HAS2: variants seen among roughly 807,000 people sequenced by gnomAD.
HAS2 encodes the protein HA synthase 2.
HAS2 carries 16 observed loss-of-function variants against 51.6 expected under a neutral mutation model. The ratio of observed to expected loss-of-function variants is 0.31; its 90% CI spans 0.21 to 0.47. HAS2 has a LOEUF of 0.47. Ranked by LOEUF, HAS2 falls within the 20% of genes least tolerant of loss-of-function variation. HAS2 has a pLI of 1.00. For missense variants in HAS2, 361 were observed against 662.6 expected, an observed-to-expected ratio of 0.54 and a Z score of 5.00; for synonymous variants, 228 against 235.5, an observed-to-expected ratio of 0.97 and a Z score of 0.29.
At chr8:121,640,431 G>A in intron 1 of HAS2, among the ~76,000 whole-genome samples, 1 of 151,790 alleles carries the variant, frequency 6.6e-6, no homozygotes, top group Admixed American at 6.6e-5. Context: ...GTGTGTGTGT[G>A]TGTGTGTGTG....
Position 121,612,711 on chromosome 8 carries a change from A to T in HAS2, c.*1398T>A, listed in dbSNP as rs755215765. 6.6e-6 allele frequency: 1 copy of T among 152,312 alleles called. No individual in the cohort carries two copies. The highest frequency in any genetic ancestry group is 1.9e-4 in the East Asian group (1 of 5,184). The allele number at this position is 152,312 out of a possible 1,614,324, so 9.4% of individuals were successfully genotyped here. A position where few individuals can be genotyped will look rare whatever the true frequency, so the allele number is the denominator to read the frequency against. ...ATTTTTATATGTGCCAATCATTGAT[A>T]TACTTATTAAACCTTGATGTCACTT... On this transcript the variant is annotated 3_prime_UTR_variant, in exon 4 of 4. Coordinates refer to ENST00000303924, the MANE Select transcript of HAS2 (RefSeq NM_005328.3).
intron 1 of HAS2, among the ~76,000 whole-genome samples, chr8:121,640,596 A>G (rs1563625846): frequency 6.6e-6 from 1 of 152,130 alleles, no homozygotes; most frequent in Admixed American, 6.6e-5. Flanking sequence ...TTTCCCAGGC[A>G]GAGAGGCTAC....
intron 2 of HAS2, among the ~76,000 whole-genome samples, chr8:121,619,099 G>T (rs1199167525): frequency 6.6e-6 from 1 of 152,048 alleles, no homozygotes; most frequent in Non-Finnish European, 1.5e-5. Context: ...TCTAGGCTGG[G>T]TGCAGTGGCT....
chr8:121,616,687 C>T (rs1245139330), intron 3 of HAS2, among the ~76,000 whole-genome samples: 2 of 152,086 alleles, frequency 1.3e-5, no homozygotes, highest in African/African-American at 2.4e-5. Flanking sequence ...CCACCTGCCT[C>T]GGCCTCCCAA....
chr8:121,627,385 GA>G (rs1200090719), intron 2 of HAS2, among the ~76,000 whole-genome samples: 1 of 152,110 alleles, frequency 6.6e-6, no homozygotes, highest in East Asian at 1.9e-4. Flanking sequence ...ACTTGACAGA[GA>G]AATGCTCCCA....
chr8:121,616,688 G>A (rs531564468), intron 3 of HAS2, among the ~76,000 whole-genome samples: 120 of 152,008 alleles, frequency 7.9e-4, no homozygotes, highest in African/African-American at 2.6e-3. Flanking sequence ...CACCTGCCTC[G>A]GCCTCCCAAA....
intron 1 of HAS2, among the ~76,000 whole-genome samples, chr8:121,640,420 A>AGTGTGTGTTT (rs1813077223): frequency 6.7e-6 from 1 of 148,326 alleles, no homozygotes; most frequent in Admixed American, 6.7e-5. Flanking sequence ...TTCTCCCCAC[A>AGTGTGTGTTT]GTGTGTGTGT....
At position 121,627,687 on chromosome 8, in the gene HAS2, G is replaced by C. The variant is rs888324736; in HGVS notation, c.627+1027C>G. On this transcript the variant is annotated intron_variant, in intron 2 of 3. Transcript: ENST00000303924. ...TAGTAATCTCTATGATTAGAACTTTGGTCAACTGACTCTAAAGCCAATGTC... is the reference window on the plus strand; with the variant it reads ...TAGTAATCTCTATGATTAGAACTTTCGTCAACTGACTCTAAAGCCAATGTC... 2.6e-5 allele frequency among the ~76,000 whole-genome samples: 4 copies of C among 151,964 alleles called. No homozygotes were observed. The East Asian group carries it at 5.8e-4, about 22-fold the overall frequency.
chr8:121,615,178 G>A (rs1417970265), intron 3 of HAS2, 140 bp from the exon 4 acceptor site: 3 of 596,320 alleles, frequency 5.0e-6, no homozygotes, highest in Non-Finnish European at 8.8e-6. Flanking sequence ...TTTTGGCGTG[G>A]TTATTTTATG....
At chr8:121,626,499 T>A (rs1391315417) in intron 2 of HAS2, among the ~76,000 whole-genome samples, 1 of 152,188 alleles carries the variant, frequency 6.6e-6, no homozygotes, top group East Asian at 1.9e-4. Flanking sequence ...CCATTTTCTC[T>A]TGTGTATTAC....
At chr8:121,633,811 T>G (rs1232266857) in intron 1 of HAS2, among the ~76,000 whole-genome samples, 1 of 151,712 alleles carries the variant, frequency 6.6e-6, no homozygotes, top group Non-Finnish European at 1.5e-5. Flanking sequence ...AAGCAGAGAG[T>G]GAAATGTTGG....
Position 121,628,963 on chromosome 8 carries a change from A to G in HAS2, c.378T>C (p.Asp126=). 1 of 1,614,160 alleles carries G rather than the reference A, an allele frequency of 6.2e-7. No individual in the cohort carries two copies. Among genetic ancestry groups the G allele is most frequent in the Non-Finnish European group, 8.5e-7 (1 of 1,179,986 alleles). ...TGAAGATGTCCATCATGTAAAGGTC[A>G]TCTTCTGAGTTCCCATCTATGACCA... ...VVMVIDGNSE[D]DLYMMDIFSE... Residue 126 remains aspartate, a synonymous_variant, in exon 2 of 4, where the codon GAT becomes GAC. Coordinates refer to ENST00000303924, the MANE Select transcript of HAS2 (RefSeq NM_005328.3).
chr8:121,623,346 G>T (rs1260128256), intron 2 of HAS2, among the ~76,000 whole-genome samples: 1 of 152,114 alleles, frequency 6.6e-6, no homozygotes, highest in Non-Finnish European at 1.5e-5. Context: ...CTGGAAAAGT[G>T]AGAAACCAAA....
chr8:121,638,225 C>A (rs1387811522), intron 1 of HAS2, among the ~76,000 whole-genome samples: 1 of 152,102 alleles, frequency 6.6e-6, no homozygotes, highest in Non-Finnish European at 1.5e-5. Context: ...TTCTACAGAC[C>A]TAACAAAAAT....
At chr8:121,639,132 G>A (rs1813052096) in intron 1 of HAS2, among the ~76,000 whole-genome samples, 1 of 152,176 alleles carries the variant, frequency 6.6e-6, no homozygotes, top group Admixed American at 6.5e-5. Flanking sequence ...TTAACAAGCG[G>A]CCTCACTCCT....
chr8:121,633,729 C>T (rs554509192), intron 1 of HAS2, among the ~76,000 whole-genome samples: 1 of 152,300 alleles, frequency 6.6e-6, no homozygotes, highest in East Asian at 1.9e-4. Context: ...GCCGTTGGCT[C>T]ATATACCCCA....
intron 2 of HAS2, among the ~76,000 whole-genome samples, chr8:121,627,730 T>C (rs4255143): frequency 0.3 from 45,656 of 151,930 alleles, 7,184 homozygotes; most frequent in Middle Eastern, 0.39. Context: ...ATCTCACTAC[T>C]TGACAACCAC....
At chr8:121,622,160 T>C (rs1812781822) in intron 2 of HAS2, among the ~76,000 whole-genome samples, 3 of 152,032 alleles carry the variant, frequency 2.0e-5, no homozygotes, top group Admixed American at 2.0e-4. Flanking sequence ...AAATTCTGCA[T>C]CACCCCCCCA....
Position 121,629,095 on chromosome 8 carries a change from G to T in HAS2, c.246C>A (p.Asn82Lys), listed in dbSNP as rs1201160800. ...KKSLETPIKLNKTVALCIAAY... is the reference protein window; with the variant it reads ...KKSLETPIKLKKTVALCIAAY... The stretch of plus-strand genomic sequence containing the variant: ...CAGCGATGCAAAGGGCAACTGTTTT[G>T]TTCAACTTTATGGGGGTTTCTAGGG... Residue 82 changes from asparagine to lysine, a missense_variant, in exon 2 of 4, where the codon AAC becomes AAA. Asn to Lys is a moderately conservative substitution (Grantham distance 94). This residue lies in a region of HAS2 where 145 missense variants were observed against 217.6 expected (regional missense o/e 0.67). Transcript: ENST00000303924. The T allele has an allele frequency of 6.2e-7, 1 of 1,614,110 alleles. No homozygotes were observed. The highest frequency in any genetic ancestry group is 8.5e-7 in the Non-Finnish European group (1 of 1,179,966).
Sources: allele counts gnomAD v4.1 joint callset (sites outside exome capture counted in the v4.1 genomes callset), GRCh38; gene constraint gnomAD v4.1.1; regional missense constraint gnomAD v4.1.1; transcripts MANE v1.5; gene names NCBI Gene and HGNC (gene_info 2026-07-23, HGNC 2026-07-21).